Variants in CEMIP observed in about 807,000 individuals in gnomAD.
CEMIP encodes cell migration-inducing and hyaluronan-binding protein.
CEMIP carries 105 observed loss-of-function variants against 156.9 expected under a neutral mutation model. The observed-to-expected ratio is 0.67, with a 90% CI of 0.57 to 0.79. CEMIP has a LOEUF of 0.79. Ranked by LOEUF, CEMIP falls within the 30% of genes least tolerant of loss-of-function variation. The pLI, the probability that CEMIP is intolerant of heterozygous loss-of-function variation, is 0.00. For synonymous variants in CEMIP, 676 were observed against 668.4 expected, an observed-to-expected ratio of 1.01 and a Z score of -0.17; for missense variants, 1,457 against 1,769.4, an observed-to-expected ratio of 0.82 and a Z score of 3.17.
At chr15:80,844,562 G>A (rs1160372610) in intron 1 of CEMIP, among the ~76,000 whole-genome samples, 1 of 152,146 alleles carries the variant, frequency 6.6e-6, no homozygotes, top group Non-Finnish European at 1.5e-5. Flanking sequence ...ACAGAGCTGT[G>A]GCAGCTCAGA....
At chr15:80,838,177 C>A (rs114906485) in intron 1 of CEMIP, among the ~76,000 whole-genome samples, 3,534 of 152,262 alleles carry the variant, frequency 0.023, 140 homozygotes, top group African/African-American at 0.082. Context: ...CATCCACATG[C>A]GTTCCACTCG....
At chr15:80,795,964 G>C (rs887913602) in intron 1 of CEMIP, among the ~76,000 whole-genome samples, 1 of 152,100 alleles carries the variant, frequency 6.6e-6, no homozygotes, top group African/African-American at 2.4e-5. Context: ...TATCTCTGAG[G>C]AAATGATACA....
chr15:80,926,544 G>C (rs977826518), intron 19 of CEMIP, among the ~76,000 whole-genome samples: 2 of 152,114 alleles, frequency 1.3e-5, no homozygotes, highest in African/African-American at 4.8e-5. Flanking sequence ...GAAAAGCAGA[G>C]ACACAGCATT....
At chr15:80,926,639 A>G (rs1179518377) in intron 19 of CEMIP, among the ~76,000 whole-genome samples, 1 of 152,070 alleles carries the variant, frequency 6.6e-6, no homozygotes, top group Non-Finnish European at 1.5e-5. Flanking sequence ...CTGACTTAGC[A>G]TTGGAGCCCC....
At chr15:80,840,296 G>A (rs1321956405) in intron 1 of CEMIP, among the ~76,000 whole-genome samples, 5 of 152,218 alleles carry the variant, frequency 3.3e-5, no homozygotes, top group Non-Finnish European at 5.9e-5. Context: ...CCACTCACGG[G>A]GCATGGAGGG....
At chr15:80,925,414 C>T (rs1165690122) in intron 18 of CEMIP, among the ~76,000 whole-genome samples, 1 of 152,192 alleles carries the variant, frequency 6.6e-6, no homozygotes, top group East Asian at 1.9e-4. Flanking sequence ...ATGTGAGGAG[C>T]CTGCATGGGC....
chr15:80,889,690 T>C (rs1047220355), intron 10 of CEMIP, 98 bp downstream of exon 10: 2 of 1,501,560 alleles, frequency 1.3e-6, no homozygotes, highest in South Asian at 2.3e-5. Flanking sequence ...GCTGTGATTC[T>C]CGTTGCCCTC....
At chr15:80,904,554 C>T (rs2141883080) in intron 12 of CEMIP, among the ~76,000 whole-genome samples, 1 of 152,264 alleles carries the variant, frequency 6.6e-6, no homozygotes, top group East Asian at 1.9e-4. Context: ...CTTGGATTAT[C>T]TGGGTGGGCC....
At chr15:80,928,246 C>T (rs955593712) in intron 19 of CEMIP, among the ~76,000 whole-genome samples, 1 of 152,092 alleles carries the variant, frequency 6.6e-6, no homozygotes, top group African/African-American at 2.4e-5. Flanking sequence ...CAAGGCTCAG[C>T]TCTGGATTCT....
chr15:80,944,215 C>T (rs755137270), intron 28 of CEMIP, among the ~76,000 whole-genome samples: 2 of 152,060 alleles, frequency 1.3e-5, no homozygotes, highest in Admixed American at 6.5e-5. Flanking sequence ...AGGAGGCGGA[C>T]GTTGCAGTGA....
At chr15:80,875,740 GGGT>G (rs1898453776) in intron 3 of CEMIP, among the ~76,000 whole-genome samples, 2 of 152,196 alleles carry the variant, frequency 1.3e-5, no homozygotes, top group Admixed American at 6.5e-5. Context: ...GGGAAAGTGA[GGGT>G]GGTTTCCATG....
chr15:80,835,388 A>G (rs1482161675), intron 1 of CEMIP, among the ~76,000 whole-genome samples: 2 of 152,222 alleles, frequency 1.3e-5, no homozygotes, highest in Non-Finnish European at 2.9e-5. Flanking sequence ...CCCATGGGCC[A>G]CCAATGCCTA....
In CEMIP at chr15:80,948,466, G is replaced by A. The variant is rs959015991; in HGVS notation, c.3959-331G>A. Reference sequence around the variant, plus strand: ...GGGCAGGGACTTGCTGGTTGTCCTAGGGGCAGCTCAAAGGTAGGCAGGTTC... The same window carrying A: ...GGGCAGGGACTTGCTGGTTGTCCTAAGGGCAGCTCAAAGGTAGGCAGGTTC... On this transcript the variant is annotated intron_variant, in intron 29 of 29. Coordinates refer to ENST00000394685, the MANE Select transcript of CEMIP (RefSeq NM_001293298.2). 2.1e-5 allele frequency: 8 copies of A among 388,636 alleles called. No individual in the cohort carries two copies. In the East Asian group the frequency reaches 4.8e-4, roughly 23 times the overall value. 24.1% of individuals were successfully genotyped at this position (388,636 alleles called of 1,614,324 possible).
At chr15:80,907,685 A>G (rs1469269024) in intron 13 of CEMIP, among the ~76,000 whole-genome samples, 1 of 152,258 alleles carries the variant, frequency 6.6e-6, no homozygotes, top group Non-Finnish European at 1.5e-5. Context: ...ACAATATAGG[A>G]AAACGATACT....
intron 23 of CEMIP, among the ~76,000 whole-genome samples, chr15:80,933,698 CTTCGA>C (rs1901014238): frequency 6.6e-6 from 1 of 152,298 alleles, no homozygotes; most frequent in Non-Finnish European, 1.5e-5. Context: ...GGGTCAACTG[CTTCGA>C]TTCAAGTCAG....
In CEMIP at chr15:80,906,618, C is replaced by A. The variant is rs370280646; in HGVS notation, c.1412-45C>A. 2.3e-5 allele frequency: 37 copies of A among 1,576,936 alleles called. No homozygotes were observed. The African/African-American group carries it at 3.5e-4, about 15-fold the overall frequency. ...TGGCAGGGGCCCAGAACTCAGTGGG[C>A]ATGCAGTACCTGCTGTTGTTTACCG... On this transcript the variant is annotated intron_variant, in intron 12 of 29. Transcript: ENST00000394685. The surrounding 1 kb of genome is among the most constrained non-coding windows in gnomAD (Gnocchi z 4.3).
At chr15:80,909,492 G>C (rs1362855176) in intron 14 of CEMIP, 186 bp downstream of exon 14, 2 of 700,094 alleles carry the variant, frequency 2.9e-6, no homozygotes, top group Admixed American at 2.0e-5. Flanking sequence ...ATAGAGGTTT[G>C]TCCTTACCAA....
Position 80,909,662 on chromosome 15 carries a change from C to T in CEMIP, c.1797+356C>T, listed in dbSNP as rs77669886. ...GCAGACAGGGGGATCATGCGAAGAC[C>T]CGGCTGTGGTATCTACCCAACAGAT... On this transcript the variant is annotated intron_variant, in intron 14 of 29. Transcript: ENST00000394685. 3,459 of 464,820 alleles carry T rather than the reference C, an allele frequency of 7.4e-3. 100 individuals are homozygous for T. Among genetic ancestry groups the T allele is most frequent in the African/African-American group, 0.063 (3,164 of 50,544 alleles). 28.8% of individuals were successfully genotyped at this position (464,820 alleles called of 1,614,324 possible). A position where few individuals can be genotyped will look rare whatever the true frequency, so the allele number is the denominator to read the frequency against.
intron 1 of CEMIP, among the ~76,000 whole-genome samples, chr15:80,836,264 T>C (rs1430206239): frequency 6.6e-6 from 1 of 152,218 alleles, no homozygotes; most frequent in Non-Finnish European, 1.5e-5. Flanking sequence ...TCTGCTTCTC[T>C]AAGAGCGAAA....
Sources: allele counts gnomAD v4.1 joint callset (sites outside exome capture counted in the v4.1 genomes callset), GRCh38; gene constraint gnomAD v4.1.1; non-coding constraint Gnocchi (gnomAD v3.1); transcripts MANE v1.5; gene names NCBI Gene and HGNC (gene_info 2026-07-23, HGNC 2026-07-21).